RNF20: variants seen among roughly 807,000 people sequenced by gnomAD.
RNF20 encodes ring finger protein 20, also known as E3 ubiquitin-protein ligase BRE1A.
Under a neutral mutation model 126.2 loss-of-function variants are expected in RNF20, and 84 were observed. The ratio of observed to expected loss-of-function variants is 0.67; its 90% confidence interval spans 0.56 to 0.80. The LOEUF is 0.80. RNF20 is among the 30% of genes least tolerant of loss of function. The pLI, the probability that RNF20 is intolerant of heterozygous loss-of-function variation, is 0.00. For missense variants in RNF20, 869 were observed against 1,188.2 expected (o/e 0.73, Z 3.95); for synonymous variants, 400 against 414.3 (o/e 0.97, Z 0.42).
rs1380971363 is a variant in RNF20, at chr9:101,535,402, A to G, written c.-22A>G. 6.2e-7 allele frequency: 1 copy of G among 1,607,312 alleles called. No individual in the cohort carries two copies. The highest frequency in any genetic ancestry group is 1.7e-5 in the Admixed American group (1 of 58,114). ...TTCTGCCTTTTTTTCTATCAGGAAA[A>G]CGACTGTCTTCTTCTGCCAAAATGT... On this transcript the variant is annotated 5_prime_UTR_variant, in exon 2 of 20. Transcript: ENST00000389120.
intron 2 of RNF20, among the ~76,000 whole-genome samples, chr9:101,535,863 A>T (rs1046981096): frequency 6.6e-6 from 1 of 152,236 alleles, no homozygotes; most frequent in Non-Finnish European, 1.5e-5. Context: ...TGAAAAAGTC[A>T]GTACCAGATT....
Position 101,550,913 on chromosome 9 carries a change from A to G in RNF20, c.1272+128A>G. 3.5e-6 allele frequency: 3 copies of G among 857,324 alleles called. No individual in the cohort carries two copies. The South Asian group carries it at 4.2e-5, about 12-fold the overall frequency. The allele number at this position is 857,324 out of a possible 1,614,324, so 53.1% of individuals were successfully genotyped here. ...ATTCATAGAGTGGCAGTAGGTCTTT[A>G]CTCTGGTAGGTACTGGGCATATAAA... On this transcript the variant is annotated intron_variant, in intron 10 of 19. Transcript: ENST00000389120.
intron 2 of RNF20, among the ~76,000 whole-genome samples, chr9:101,538,327 G>A (rs1222631364): frequency 6.6e-6 from 1 of 152,156 alleles, no homozygotes; most frequent in East Asian, 1.9e-4. Context: ...AATGATGACA[G>A]GAAAAGTATT....
At chr9:101,547,354 TAAG>T (rs1732032866) in intron 8 of RNF20, 42 bp from the exon 9 acceptor site, 1 of 1,610,926 alleles carries the variant, frequency 6.2e-7, no homozygotes, top group Non-Finnish European at 8.5e-7. Flanking sequence ...AGAAATGATT[TAAG>T]AAGAATACTT....
chr9:101,561,280 G>A (rs764563861), intron 18 of RNF20, 50 bp downstream of exon 18: 20 of 1,572,584 alleles, frequency 1.3e-5, no homozygotes, highest in East Asian at 1.1e-4. Flanking sequence ...TTCTGAGGTC[G>A]GAAGTGACCC....
intron 10 of RNF20, 60 bp from the exon 11 acceptor site, chr9:101,551,624 A>AATAGAATG: frequency 7.0e-7 from 1 of 1,421,022 alleles, no homozygotes; most frequent in Non-Finnish European, 9.5e-7. Flanking sequence ...TCCATAGAAT[A>AATAGAATG]TGATGATATT....
At chr9:101,547,273 C>T in intron 8 of RNF20, 59 bp downstream of exon 8, 2 of 1,599,198 alleles carry the variant, frequency 1.3e-6, no homozygotes, top group Non-Finnish European at 1.7e-6. Context: ...TGCTTAGGTA[C>T]TTAGGACTGT....
chr9:101,542,195 A>G (rs558714125), intron 5 of RNF20, among the ~76,000 whole-genome samples: 2 of 152,326 alleles, frequency 1.3e-5, no homozygotes, highest in East Asian at 3.9e-4. Context: ...AGCTTGTAGA[A>G]GGCCTGTGAA....
intron 15 of RNF20, among the ~76,000 whole-genome samples, chr9:101,556,645 G>A (rs755044552): frequency 6.6e-6 from 1 of 152,108 alleles, no homozygotes; most frequent in East Asian, 1.9e-4. Context: ...TGAATAAAAG[G>A]CTAGAAAACA....
chr9:101,558,426 G>T (rs1827571574), intron 16 of RNF20, among the ~76,000 whole-genome samples: 2 of 152,134 alleles, frequency 1.3e-5, no homozygotes, highest in African/African-American at 4.8e-5. Flanking sequence ...ATACCCGGAA[G>T]TGGGATTGCG....
Position 101,547,462 on chromosome 9 carries a change from C to T in RNF20, c.1036C>T (p.Leu346=), listed in dbSNP as rs768330783. 2 of 1,614,154 alleles carry T rather than the reference C, an allele frequency of 1.2e-6. No homozygotes were observed. Among genetic ancestry groups the T allele is most frequent in the East Asian group, 2.2e-5 (1 of 44,890 alleles). Residue 346 remains leucine, a synonymous_variant, in exon 9 of 20, where the codon CTG becomes TTG. Transcript: ENST00000389120. ...KELAQNRLCE[L]EKLRQDFEEV... is the part of the protein sequence containing the mutation. ...GTTGGCTCAGAACCGTCTCTGTGAG[C>T]TGGAGAAACTTCGGCAAGACTTTGA...
chr9:101,547,503 A>T lies in RNF20; in HGVS notation c.1077A>T (p.Gln359His). ...AAGACTTTGAGGAGGTCACTACACA[A>T]AATGAAAAGCTGAAGGTAGGAACGC... The part of the protein sequence containing the change: ...LRQDFEEVTT[Q>H]NEKLKVELRS... The change falls in exon 9 of 20, where the codon CAA becomes CAT. Residue 359 changes from glutamine to histidine, a missense_variant. Gln to His is a conservative substitution (Grantham distance 24). Transcript: ENST00000389120. 5.6e-6 allele frequency: 9 copies of T among 1,614,136 alleles called. No individual in the cohort carries two copies. The highest frequency in any genetic ancestry group is 7.6e-6 in the Non-Finnish European group (9 of 1,179,980).
chr9:101,540,755 A>G (rs769154201), intron 4 of RNF20, 38 bp from the exon 5 acceptor site: 1 of 1,596,226 alleles, frequency 6.3e-7, no homozygotes. Flanking sequence ...CCAGTTTATA[A>G]TTTTGGGGGG....
At chr9:101,540,762 G>A (rs1420454382) in intron 4 of RNF20, 31 bp from the exon 5 acceptor site, 2 of 1,595,916 alleles carry the variant, frequency 1.3e-6, no homozygotes, top group Non-Finnish European at 1.7e-6. Flanking sequence ...ATAATTTTGG[G>A]GGGCTTCTTT....
At chr9:101,557,771 T>C (rs1429457413) in intron 16 of RNF20, among the ~76,000 whole-genome samples, 175 bp downstream of exon 16, 2 of 152,226 alleles carry the variant, frequency 1.3e-5, no homozygotes, top group Admixed American at 1.3e-4. Flanking sequence ...CTGTTATTCC[T>C]ACAAAAGAGT....
At chr9:101,541,094 T>C in intron 5 of RNF20, 119 bp downstream of exon 5, 3 of 722,016 alleles carry the variant, frequency 4.2e-6, no homozygotes, top group Non-Finnish European at 6.0e-6. Context: ...ATTTACTTTT[T>C]AAGAGATAAG....
At chr9:101,559,277 C>T (rs999916829) in intron 16 of RNF20, among the ~76,000 whole-genome samples, 4 of 152,084 alleles carry the variant, frequency 2.6e-5, no homozygotes, top group African/African-American at 9.7e-5. Context: ...TATACCAGTA[C>T]CATGCTGTTT....
Position 101,540,921 on chromosome 9 carries a change from T to G in RNF20, c.574T>G (p.Tyr192Asp), listed in dbSNP as rs777140211. ...RRAVSQIVTV[Y>D]DKLQEKVELL... ...AGCCGTGTCCCAGATTGTGACTGTT[T>G]ATGATAAATTGCAAGAAAAAGTGGA... is the stretch of plus-strand genomic sequence containing the variant. The change falls in exon 5 of 20, where the codon TAT (tyrosine) becomes GAT (aspartate). Residue 192 changes from tyrosine (Y) to aspartate (D), a missense_variant. By Grantham distance (160) the Tyr-to-Asp change is radical. This residue lies in a region of RNF20 where 103 missense variants were observed against 94.3 expected (regional missense o/e 1.09). Transcript: ENST00000389120. 7 of 1,614,020 alleles carry G rather than the reference T, an allele frequency of 4.3e-6. No homozygotes were observed. Among genetic ancestry groups the G allele is most frequent in the Admixed American group, 1.7e-5 (1 of 59,996 alleles).
intron 2 of RNF20, 96 bp from the exon 3 acceptor site, chr9:101,540,107 A>G (rs1376722129): frequency 5.9e-6 from 7 of 1,176,998 alleles, no homozygotes; most frequent in Non-Finnish European, 5.9e-6. Flanking sequence ...CTTTATTCAT[A>G]GAAAATAACT....
Sources: gnomAD v4.1 joint callset for allele counts (sites outside exome capture counted in the v4.1 genomes callset) on GRCh38, gnomAD v4.1.1 for gene constraint, gnomAD v4.1.1 regional missense constraint, MANE v1.5 for transcripts, NCBI Gene and HGNC (gene_info 2026-07-23, HGNC 2026-07-21) for gene names.